GALNT13: variants seen among roughly 807,000 people sequenced by gnomAD.
The protein encoded by GALNT13 is polypeptide N-acetylgalactosaminyltransferase 13.
Under a neutral mutation model 64.2 loss-of-function variants are expected in GALNT13, and 28 were observed. The observed-to-expected ratio is 0.44, with a 90% confidence interval of 0.32 to 0.60. The LOEUF (loss-of-function observed/expected upper bound fraction) is 0.60. GALNT13 is among the 20% of genes least tolerant of loss of function. The probability of loss-of-function intolerance (pLI) is 0.05; values close to 1 mark genes in which losing one functional copy is unlikely to be tolerated. For synonymous variants in GALNT13, 214 were observed against 224.6 expected (o/e 0.95, Z 0.42); for missense variants, 577 against 669.8 (o/e 0.86, Z 1.53).
chr2:153,480,793 C>T, the GALNT13 span, among the ~76,000 whole-genome samples: 2 of 152,140 alleles, frequency 1.3e-5, no homozygotes, highest in Admixed American at 6.5e-5. Context: ...TCAAGTTGTA[C>T]AGAACTGTGT....
chr2:154,332,863 A>G (rs1454328048), intron 9 of GALNT13, among the ~76,000 whole-genome samples: 2 of 152,156 alleles, frequency 1.3e-5, no homozygotes, highest in South Asian at 2.1e-4. Flanking sequence ...TCTCATGTAC[A>G]TATTTTCACT....
chr2:153,470,115 C>T, the GALNT13 span, among the ~76,000 whole-genome samples: 10 of 152,322 alleles, frequency 6.6e-5, no homozygotes, highest in South Asian at 2.1e-3. Flanking sequence ...CCTTAACCAG[C>T]TCCACCATTG....
chr2:154,438,878 G>A (rs1441496217), intron 12 of GALNT13, 152 bp downstream of exon 12: 5 of 578,106 alleles, frequency 8.6e-6, no homozygotes, highest in Admixed American at 3.3e-5. Context: ...TATTAGGATG[G>A]CATATCATAT....
intron 9 of GALNT13, among the ~76,000 whole-genome samples, chr2:154,328,557 T>C (rs1288843828): frequency 6.6e-6 from 1 of 152,126 alleles, no homozygotes; most frequent in Non-Finnish European, 1.5e-5. Flanking sequence ...GTACTGAAAG[T>C]GTGCGGTCCA....
the GALNT13 span, among the ~76,000 whole-genome samples, chr2:153,317,772 CTAATA>C: frequency 6.6e-6 from 1 of 151,770 alleles, no homozygotes; most frequent in African/African-American, 2.4e-5. Context: ...TAATAGTTAT[CTAATA>C]TCAGAGACAA....
At position 154,014,878 on chromosome 2, in the gene GALNT13, G is replaced by A. The variant is rs187454673; in HGVS notation, c.142+70239G>A. ...GATCTCCTGACCTCATGATCTGCCCGCCTCAGCCTCCCAAAGTGCTGGGAT... is the reference window on the plus strand; with the variant it reads ...GATCTCCTGACCTCATGATCTGCCCACCTCAGCCTCCCAAAGTGCTGGGAT... On this transcript the variant is annotated intron_variant, in intron 3 of 12. Transcript: ENST00000392825. Among the ~76,000 whole-genome samples, 329 of 151,864 alleles carry A rather than the reference G, an allele frequency of 2.2e-3. 2 individuals carry two copies. The highest frequency in any genetic ancestry group is 7.1e-3 in the African/African-American group (296 of 41,436).
At chr2:154,320,411 G>A (rs1191315687) in intron 9 of GALNT13, among the ~76,000 whole-genome samples, 1 of 152,128 alleles carries the variant, frequency 6.6e-6, no homozygotes, top group African/African-American at 2.4e-5. Context: ...GAAGTAAACA[G>A]AGAAAGTAAG....
At chr2:153,881,394 A>G (rs1686775054) in intron 1 of GALNT13, among the ~76,000 whole-genome samples, 2 of 152,218 alleles carry the variant, frequency 1.3e-5, no homozygotes, top group African/African-American at 2.4e-5. Flanking sequence ...ACTTATGGAT[A>G]GTATTTCCTC....
intron 7 of GALNT13, among the ~76,000 whole-genome samples, chr2:154,256,547 G>A (rs957633770): frequency 6.6e-6 from 1 of 152,134 alleles, no homozygotes; most frequent in Admixed American, 6.6e-5. Flanking sequence ...GTTCTAAATG[G>A]TTTTGAAACC....
At chr2:153,669,048 C>T in the GALNT13 span, among the ~76,000 whole-genome samples, 1 of 152,160 alleles carries the variant, frequency 6.6e-6, no homozygotes, top group Non-Finnish European at 1.5e-5. Context: ...CTTGGCCATG[C>T]CTGCTTGCAG....
At chr2:154,405,298 G>T (rs1699478407) in intron 10 of GALNT13, among the ~76,000 whole-genome samples, 1 of 151,952 alleles carries the variant, frequency 6.6e-6, no homozygotes, top group Non-Finnish European at 1.5e-5. Context: ...CCGAGAGCAT[G>T]CCATAAGAAT....
At chr2:153,164,688 A>G in the GALNT13 span, among the ~76,000 whole-genome samples, 2 of 152,156 alleles carry the variant, frequency 1.3e-5, no homozygotes, top group Non-Finnish European at 2.9e-5. Flanking sequence ...TGGCAAGAAT[A>G]CTTAACATGA....
chr2:153,214,718 C>T, the GALNT13 span, among the ~76,000 whole-genome samples: 1 of 152,012 alleles, frequency 6.6e-6, no homozygotes, highest in Non-Finnish European at 1.5e-5. Flanking sequence ...TAGACTAACA[C>T]AGTTTGATAA....
At chr2:153,356,672 C>T in the GALNT13 span, 1 of 152,052 alleles carries the variant, frequency 6.6e-6, no homozygotes, top group African/African-American at 2.4e-5. Context: ...AATCAATTCC[C>T]TAGATAAAAA....
At chr2:153,491,594 A>ATTTATTTATT in the GALNT13 span, among the ~76,000 whole-genome samples, 19 of 145,450 alleles carry the variant, frequency 1.3e-4, no homozygotes, top group African/African-American at 4.7e-4. Context: ...AAACCATATT[A>ATTTATTTATT]TATTTATTTA....
At chr2:153,949,145 C>G (rs1264577939) in intron 3 of GALNT13, among the ~76,000 whole-genome samples, 1 of 151,932 alleles carries the variant, frequency 6.6e-6, no homozygotes, top group African/African-American at 2.4e-5. Flanking sequence ...TAGGCTATAC[C>G]ATACAGCCTA....
At chr2:153,589,588 C>G in the GALNT13 span, among the ~76,000 whole-genome samples, 1 of 152,146 alleles carries the variant, frequency 6.6e-6, no homozygotes, top group African/African-American at 2.4e-5. Context: ...GGGCAATTTA[C>G]AAAAGAAAGA....
chr2:154,006,536 A>G (rs1160192358), intron 3 of GALNT13, among the ~76,000 whole-genome samples: 2 of 152,220 alleles, frequency 1.3e-5, no homozygotes, highest in Non-Finnish European at 2.9e-5. Context: ...TATCAGAAAA[A>G]TGGACTGTGG....
chr2:154,023,063 G>A (rs1436632758), intron 3 of GALNT13, among the ~76,000 whole-genome samples: 2 of 152,170 alleles, frequency 1.3e-5, no homozygotes, highest in African/African-American at 4.8e-5. Flanking sequence ...CTGAGAGACT[G>A]TTATAATTTC....
Sources: allele counts gnomAD v4.1 joint callset (sites outside exome capture counted in the v4.1 genomes callset), GRCh38; gene constraint gnomAD v4.1.1; transcripts MANE v1.5; gene names NCBI Gene and HGNC (gene_info 2026-07-23, HGNC 2026-07-21).